Variants in DCLK3 observed in about 807,000 individuals in gnomAD.
The protein encoded by DCLK3 is serine/threonine-protein kinase DCLK3.
Under a neutral mutation model 46.4 loss-of-function variants are expected in DCLK3, and 30 were observed. That is an observed-to-expected ratio of 0.65 (90% CI 0.48 to 0.88). The LOEUF is 0.88. Among genes scored for constraint, DCLK3 ranks in the 40% least tolerant of loss-of-function variants. The probability of loss-of-function intolerance (pLI) is 0.00; values close to 1 mark genes in which losing one functional copy is unlikely to be tolerated. For missense variants in DCLK3, 846 were observed against 907.1 expected (o/e 0.93, Z 0.87); for synonymous variants, 401 against 339.2 (o/e 1.18, Z -2.00).
intron 4 of DCLK3, 135 bp from the exon 5 acceptor site, chr3:36,715,656 C>A (rs749704114): frequency 2.3e-5 from 19 of 835,212 alleles, no homozygotes; most frequent in Admixed American, 3.5e-5. Context: ...TATTCTAGAG[C>A]AGCACAGTCC....
intron 1 of DCLK3, among the ~76,000 whole-genome samples, chr3:36,751,839 A>G (rs960453875): frequency 6.6e-6 from 1 of 152,260 alleles, no homozygotes; most frequent in African/African-American, 2.4e-5. Context: ...TGCACGGAAG[A>G]ACCCAATAAA....
chr3:36,737,940 G>A lies in DCLK3; in HGVS notation c.1227C>T (p.Ala409=). 3 of 1,614,118 alleles carry A rather than the reference G, an allele frequency of 1.9e-6. No individual in the cohort carries two copies. Among genetic ancestry groups the A allele is most frequent in the African/African-American group, 2.7e-5 (2 of 75,016 alleles). Residue 409 remains alanine, a synonymous_variant, in exon 2 of 5, where the codon GCC becomes GCT. Coordinates refer to ENST00000636136, the MANE Select transcript of DCLK3 (RefSeq NM_001394672.2). This position sits in a 1 kb window ranked among gnomAD's most constrained non-coding sequence, Gnocchi z 4.4. The part of the protein sequence containing the change: ...EDQESHAQGA[A]KAKKDLVEVL... ...CTTCCACAAGGTCCTTCTTGGCCTT[G>A]GCTGCTCCCTGAGCATGGCTTTCTT...
rs925387296 is a variant in DCLK3 at position 36,714,236 on chromosome 3, C to G, written c.*1092G>C. The stretch of plus-strand genomic sequence containing the variant: ...TATTCCGGTTTTCCTAACTAACACA[C>G]GCCTCCGCCCAGATGGCTCCAAAAC... On this transcript the variant is annotated 3_prime_UTR_variant, in exon 5 of 5. Transcript: ENST00000636136. 1 of 152,188 alleles carries G rather than the reference C, an allele frequency of 6.6e-6. No homozygotes were observed. Among genetic ancestry groups the G allele is most frequent in the African/African-American group, 2.4e-5 (1 of 41,426 alleles). 9.4% of individuals were successfully genotyped at this position (152,188 alleles called of 1,614,324 possible). A position where few individuals can be genotyped will look rare whatever the true frequency, so the allele number is the denominator to read the frequency against.
In DCLK3 at chr3:36,739,785, A is replaced by C. The variant is rs1039414036; in HGVS notation, c.83-701T>G. On this transcript the variant is annotated intron_variant, in intron 1 of 4. Coordinates refer to ENST00000636136, the MANE Select transcript of DCLK3 (RefSeq NM_001394672.2). Reference sequence around the variant, plus strand: ...GTAAACACAACTCCAGCTACCCCAAAGTGAACTGACCTTCAAGGATCTACA... The same window carrying C: ...GTAAACACAACTCCAGCTACCCCAACGTGAACTGACCTTCAAGGATCTACA... 9.8e-5 allele frequency: 15 copies of C among 152,378 alleles called. No homozygotes were observed. The East Asian group carries it at 1.5e-3, about 16-fold the overall frequency. The allele number at this position is 152,378 out of a possible 1,614,324, so 9.4% of individuals were successfully genotyped here. A position where few individuals can be genotyped will look rare whatever the true frequency, so the allele number is the denominator to read the frequency against.
chr3:36,730,193 TAC>T (rs55833576), intron 2 of DCLK3, among the ~76,000 whole-genome samples: 21,506 of 142,900 alleles, frequency 0.15, 1,715 homozygotes, highest in African/African-American at 0.21. Flanking sequence ...ACACCATATA[TAC>T]ACACACACAC....
intron 1 of DCLK3, among the ~76,000 whole-genome samples, chr3:36,751,086 A>AAAAAAAAAAAAT (rs1559394270): frequency 4.0e-5 from 6 of 149,948 alleles, no homozygotes; most frequent in African/African-American, 7.4e-5. Context: ...AAAAAAAAAA[A>AAAAAAAAAAAAT]CTCCCCGAAG....
chr3:36,741,797 T>C (rs1701347330), intron 1 of DCLK3, among the ~76,000 whole-genome samples: 1 of 152,194 alleles, frequency 6.6e-6, no homozygotes, highest in Admixed American at 6.5e-5. Flanking sequence ...GTATATTGTA[T>C]CATGGGATGA....
At chr3:36,749,967 C>T (rs575823960) in intron 1 of DCLK3, among the ~76,000 whole-genome samples, 1 of 152,146 alleles carries the variant, frequency 6.6e-6, no homozygotes, top group African/African-American at 2.4e-5. Flanking sequence ...AAGGAGACAA[C>T]TTAAATGAAA....
chr3:36,719,295 C>G (rs1246441483), intron 3 of DCLK3, among the ~76,000 whole-genome samples: 2 of 152,154 alleles, frequency 1.3e-5, no homozygotes, highest in African/African-American at 2.4e-5. Flanking sequence ...TAACTTTTTA[C>G]AGTTAGAAAA....
chr3:36,726,376 A>G (rs1180059822), intron 2 of DCLK3, among the ~76,000 whole-genome samples: 1 of 151,932 alleles, frequency 6.6e-6, no homozygotes, highest in Non-Finnish European at 1.5e-5. Flanking sequence ...GGGCAATCTT[A>G]TCCAAGCAGG....
chr3:36,764,289 C>T lies in DCLK3; in HGVS notation c.-26G>A. ...GGCGCGGCGGCGGGCTCGGGGAGAG[C>T]CTGGAGCAGAGGTGGCAGCGCGGGG... is the stretch of plus-strand genomic sequence containing the variant. On this transcript the variant is annotated 5_prime_UTR_variant, in exon 1 of 5. Coordinates refer to ENST00000636136, the MANE Select transcript of DCLK3 (RefSeq NM_001394672.2). The surrounding 1 kb of genome is among the most constrained non-coding windows in gnomAD (Gnocchi z 4.9). The T allele has an allele frequency of 4.4e-6, 1 of 227,412 alleles. No individual in the cohort carries two copies. The highest frequency in any genetic ancestry group is 8.5e-6 in the Non-Finnish European group (1 of 117,842). The allele number at this position is 227,412 out of a possible 1,614,324, so 14.1% of individuals were successfully genotyped here.
rs575661161 is a variant in DCLK3, at chr3:36,756,591, C to A, written c.82+7591G>T. Among the ~76,000 whole-genome samples, 4 of 152,304 alleles carry A rather than the reference C, an allele frequency of 2.6e-5. No homozygotes were observed. In the South Asian group the frequency reaches 8.3e-4, roughly 32 times the overall value. ...TGGTTGTAGCCCTCTGAAACCGAAA[C>A]AACATCTGAACTAAAATGAATAACC... On this transcript the variant is annotated intron_variant, in intron 1 of 4. Transcript: ENST00000636136.
chr3:36,753,112 G>A (rs908655225), intron 1 of DCLK3, among the ~76,000 whole-genome samples: 2 of 152,214 alleles, frequency 1.3e-5, no homozygotes, highest in Non-Finnish European at 2.9e-5. Flanking sequence ...TTAGTGGATG[G>A]TAGTTAATTG....
intron 1 of DCLK3, among the ~76,000 whole-genome samples, chr3:36,742,134 G>A (rs896852955): frequency 3.9e-5 from 6 of 152,162 alleles, no homozygotes; most frequent in Non-Finnish European, 5.9e-5. Context: ...ACAGTAATGG[G>A]CTTTATGTAT....
intron 2 of DCLK3, among the ~76,000 whole-genome samples, chr3:36,727,564 T>C (rs1414894233): frequency 6.6e-6 from 1 of 152,208 alleles, no homozygotes; most frequent in African/African-American, 2.4e-5. Flanking sequence ...ATGTGAGATA[T>C]ATTATGCCTC....
intron 1 of DCLK3, among the ~76,000 whole-genome samples, chr3:36,757,756 A>G (rs989087090): frequency 4.6e-5 from 7 of 152,178 alleles, no homozygotes; most frequent in African/African-American, 1.7e-4. Flanking sequence ...TGCCATGGAC[A>G]TCTGACACCT....
rs1559396637 is a variant in DCLK3, at chr3:36,764,213, T to TGGGGCC, written c.50_51insGGCCCC (p.Pro19_Ala20dup). 3 of 326,988 alleles carry TGGGGCC rather than the reference T, an allele frequency of 9.2e-6. No individual in the cohort carries two copies. The highest frequency in any genetic ancestry group is 1.7e-5 in the Non-Finnish European group (3 of 180,296). 20.3% of individuals were successfully genotyped at this position (326,988 alleles called of 1,614,324 possible). A position where few individuals can be genotyped will look rare whatever the true frequency, so the allele number is the denominator to read the frequency against. ...CAGGCCGCGCCGGGCAGGCTGGGGC[T>TGGGGCC]GGCCGGGCCGGGGGCGGCGGCGGCT... On this transcript the variant is annotated inframe_insertion, in exon 1 of 5. Coordinates refer to ENST00000636136, the MANE Select transcript of DCLK3 (RefSeq NM_001394672.2). The surrounding 1 kb of genome is among the most constrained non-coding windows in gnomAD (Gnocchi z 4.9).
intron 2 of DCLK3, among the ~76,000 whole-genome samples, chr3:36,732,156 C>T (rs1575139561): frequency 6.6e-6 from 1 of 152,150 alleles, no homozygotes; most frequent in South Asian, 2.1e-4. Flanking sequence ...AAGATATCCA[C>T]CAAGTTGATA....
Position 36,738,434 on chromosome 3 carries a change from G to C in DCLK3, c.733C>G (p.Gln245Glu), listed in dbSNP as rs1369736404. ...GAAAGCTCCTCGGGGATCTTCCCCT[G>C]GTGCCTCATGGCTGCCTTGCATCCT... Reference protein sequence around the residue: ...VAGCKAAMRHQGKIPEELSLD... With the variant: ...VAGCKAAMRHEGKIPEELSLD... The change falls in exon 2 of 5, where the codon CAG becomes GAG. Residue 245 changes from glutamine (Q) to glutamate (E), a missense_variant. Physicochemically the swap from Gln to Glu is conservative, Grantham distance 29. Around this residue, in one of 3 missense-constraint regions of DCLK3, gnomAD observed 553 missense variants for 543.0 expected, o/e 1.02. Coordinates refer to ENST00000636136, the MANE Select transcript of DCLK3 (RefSeq NM_001394672.2). 1 of 1,475,894 alleles carries C rather than the reference G, an allele frequency of 6.8e-7. No individual in the cohort carries two copies. The highest frequency in any genetic ancestry group is 2.6e-5 in the Admixed American group (1 of 39,076). The allele number at this position is 1,475,894 out of a possible 1,614,324, so 91.4% of individuals were successfully genotyped here. A position where few individuals can be genotyped will look rare whatever the true frequency, so the allele number is the denominator to read the frequency against.
Sources: allele counts gnomAD v4.1 joint callset (sites outside exome capture counted in the v4.1 genomes callset), GRCh38; gene constraint gnomAD v4.1.1; regional missense constraint gnomAD v4.1.1; non-coding constraint Gnocchi (gnomAD v3.1); transcripts MANE v1.5; gene names NCBI Gene and HGNC (gene_info 2026-07-23, HGNC 2026-07-21).